Variants in LHFPL2 observed in about 807,000 individuals in gnomAD.
LHFPL2 encodes the protein LHFPL tetraspan subfamily member 2 protein.
Under a neutral mutation model 17.5 loss-of-function variants are expected in LHFPL2, and 7 were observed. That is an observed-to-expected ratio of 0.40 (90% CI 0.23 to 0.75). LHFPL2 has a LOEUF of 0.75. Among genes scored for constraint, LHFPL2 ranks in the 30% least tolerant of loss-of-function variants. LHFPL2 has a pLI of 0.37. For missense variants in LHFPL2, 241 were observed against 294.8 expected, an observed-to-expected ratio of 0.82 and a Z score of 1.34; for synonymous variants, 134 against 116.2, an observed-to-expected ratio of 1.15 and a Z score of -0.99.
chr5:78,549,776 C>T (rs948935085), intron 3 of LHFPL2, among the ~76,000 whole-genome samples: 1 of 152,144 alleles, frequency 6.6e-6, no homozygotes, highest in Non-Finnish European at 1.5e-5. Context: ...AATACATGTC[C>T]CATAAATGTT....
intron 3 of LHFPL2, among the ~76,000 whole-genome samples, chr5:78,538,771 G>A (rs1165406225): frequency 1.3e-5 from 2 of 152,162 alleles, no homozygotes; most frequent in Non-Finnish European, 2.9e-5. Context: ...GGGGACAGGA[G>A]CACCCACAGT....
chr5:78,498,622 T>C (rs1754680984), intron 4 of LHFPL2, among the ~76,000 whole-genome samples: 1 of 152,086 alleles, frequency 6.6e-6, no homozygotes, highest in African/African-American at 2.4e-5. Context: ...GCCACTGAAT[T>C]TGCCATTAAG....
At chr5:78,609,776 T>C (rs1483651295) in intron 2 of LHFPL2, among the ~76,000 whole-genome samples, 2 of 152,062 alleles carry the variant, frequency 1.3e-5, no homozygotes, top group Non-Finnish European at 2.9e-5. Flanking sequence ...ACTTTCTCTT[T>C]TGGACAGAAA....
At chr5:78,521,325 T>C (rs543019181) in intron 3 of LHFPL2, among the ~76,000 whole-genome samples, 31 of 152,350 alleles carry the variant, frequency 2.0e-4, no homozygotes, top group Non-Finnish European at 4.1e-4. Context: ...TTTACATCTA[T>C]CCAGGGGCAA....
intron 4 of LHFPL2, among the ~76,000 whole-genome samples, chr5:78,503,788 T>A (rs1015588778): frequency 3.9e-5 from 6 of 152,238 alleles, no homozygotes; most frequent in African/African-American, 1.4e-4. Flanking sequence ...GTCATTTTTT[T>A]ATTTATGATA....
intron 2 of LHFPL2, among the ~76,000 whole-genome samples, chr5:78,598,685 C>T (rs2112469897): frequency 6.6e-6 from 1 of 152,210 alleles, no homozygotes; most frequent in South Asian, 2.1e-4. Context: ...CTTTTTATAG[C>T]ATAAAAATTT....
At chr5:78,517,873 G>GC (rs969250729) in intron 3 of LHFPL2, among the ~76,000 whole-genome samples, 5 of 152,174 alleles carry the variant, frequency 3.3e-5, no homozygotes, top group Non-Finnish European at 7.3e-5. Flanking sequence ...CTCTTCTAAA[G>GC]CCCACTTGCG....
intron 1 of LHFPL2, among the ~76,000 whole-genome samples, chr5:78,645,563 C>T (rs1267302398): frequency 6.6e-6 from 1 of 151,088 alleles, no homozygotes; most frequent in Non-Finnish European, 1.5e-5. Flanking sequence ...CACACACACA[C>T]ACACACACAC....
intron 3 of LHFPL2, among the ~76,000 whole-genome samples, chr5:78,553,135 T>C (rs1756490298): frequency 6.6e-6 from 1 of 152,208 alleles, no homozygotes; most frequent in Non-Finnish European, 1.5e-5. Context: ...AGGTGACCTC[T>C]CCTGCCTACC....
At chr5:78,632,126 C>T (rs543597988) in intron 2 of LHFPL2, 138 bp downstream of exon 2, 2 of 152,138 alleles carry the variant, frequency 1.3e-5, no homozygotes, top group Non-Finnish European at 2.9e-5. Context: ...TCAGGCCACT[C>T]ACAACAGCCA....
At chr5:78,623,057 T>A (rs1744914298) in intron 2 of LHFPL2, among the ~76,000 whole-genome samples, 1 of 152,144 alleles carries the variant, frequency 6.6e-6, no homozygotes. Flanking sequence ...ATGGAACACA[T>A]CAAGATTTCT....
chr5:78,606,165 C>CTAACCTT (rs1377961074), intron 2 of LHFPL2, among the ~76,000 whole-genome samples: 4 of 152,178 alleles, frequency 2.6e-5, no homozygotes, highest in African/African-American at 9.7e-5. Context: ...AACCTTATGC[C>CTAACCTT]AGTCCCTAAA....
At chr5:78,559,240 A>G (rs1756660852) in intron 3 of LHFPL2, among the ~76,000 whole-genome samples, 1 of 152,212 alleles carries the variant, frequency 6.6e-6, no homozygotes, top group Non-Finnish European at 1.5e-5. Context: ...ATACTCCCAA[A>G]TACTTACAAA....
chr5:78,507,329 T>TAAAAA (rs769112900), intron 4 of LHFPL2, among the ~76,000 whole-genome samples: 133 of 139,568 alleles, frequency 9.5e-4, no homozygotes, highest in African/African-American at 3.3e-3. Flanking sequence ...GAATCTGTCT[T>TAAAAA]AAAAAAAAAA....
At chr5:78,494,675 AATCAGCTGG>A in intron 4 of LHFPL2, 1 of 207,346 alleles carries the variant, frequency 4.8e-6, no homozygotes, top group Non-Finnish European at 8.4e-6. Context: ...TCGCCCTCCC[AATCAGCTGG>A]GCACCAGCCA....
intron 4 of LHFPL2, among the ~76,000 whole-genome samples, chr5:78,509,351 T>A (rs1374012851): frequency 6.6e-6 from 1 of 152,220 alleles, no homozygotes; most frequent in Non-Finnish European, 1.5e-5. Context: ...GCTTGCTGCT[T>A]CTTAATGAGC....
chr5:78,554,672 G>C (rs978601070), intron 3 of LHFPL2, among the ~76,000 whole-genome samples: 3 of 152,224 alleles, frequency 2.0e-5, no homozygotes, highest in Admixed American at 2.0e-4. Flanking sequence ...AAGATTTTCA[G>C]CAAATAAAAC....
Position 78,565,995 on chromosome 5 carries a change from T to G in LHFPL2, c.-244-1124A>C, listed in dbSNP as rs372887660. ...GTTATTTAGGACTATAAGGTAACAC[T>G]GTATACGAGTAAATATTTAGAAAAA... On this transcript the variant is annotated intron_variant, in intron 2 of 4. Coordinates refer to ENST00000380345, the MANE Select transcript of LHFPL2 (RefSeq NM_005779.3). Among the ~76,000 whole-genome samples the G allele has an allele frequency of 7.9e-5, 12 of 152,352 alleles. No homozygotes were observed. The South Asian group carries it at 2.5e-3, about 32-fold the overall frequency.
chr5:78,643,087 G>C (rs1745737605), intron 1 of LHFPL2, among the ~76,000 whole-genome samples: 1 of 152,034 alleles, frequency 6.6e-6, no homozygotes, highest in Admixed American at 6.5e-5. Flanking sequence ...CTTTCGAGAT[G>C]AAATACAGAC....
Sources: gnomAD v4.1 joint callset for allele counts (sites outside exome capture counted in the v4.1 genomes callset) on GRCh38, gnomAD v4.1.1 for gene constraint, MANE v1.5 for transcripts, NCBI Gene and HGNC (gene_info 2026-07-23, HGNC 2026-07-21) for gene names.